Variants in LRRC56 observed in about 807,000 individuals in gnomAD.
The protein encoded by LRRC56 is leucine rich repeat containing 56, also known as leucine-rich repeat-containing protein 56.
LRRC56 carries 41 observed loss-of-function variants against 47.8 expected under a neutral mutation model. The ratio of observed to expected loss-of-function variants is 0.86; its 90% CI spans 0.67 to 1.11. LRRC56 has a LOEUF of 1.11. LRRC56 is among the 50% of genes most tolerant of loss of function. The pLI is 0.00. For synonymous variants in LRRC56, 387 were observed against 311.2 expected (o/e 1.24, Z -2.56); for missense variants, 759 against 704.2 (o/e 1.08, Z -0.88).
the LRRC56 span, among the ~76,000 whole-genome samples, chr11:522,366 G>C: frequency 4.6e-5 from 7 of 151,986 alleles, no homozygotes; most frequent in East Asian, 9.7e-4. Flanking sequence ...CCCGGGTTCA[G>C]GCCATTCTCC....
chr11:550,703 C>T (rs1342179866), intron 8 of LRRC56, among the ~76,000 whole-genome samples: 1 of 152,200 alleles, frequency 6.6e-6, no homozygotes, highest in Non-Finnish European at 1.5e-5. Context: ...CCTGTGCGTG[C>T]AGGCCCTGGC....
the LRRC56 span, among the ~76,000 whole-genome samples, chr11:516,543 A>C: frequency 6.6e-6 from 1 of 152,246 alleles, no homozygotes; most frequent in African/African-American, 2.4e-5. Flanking sequence ...TATAATACAA[A>C]TATAAGTGCA....
the LRRC56 span, among the ~76,000 whole-genome samples, chr11:516,771 ACAT>A: frequency 8.5e-5 from 13 of 152,338 alleles, no homozygotes; most frequent in Middle Eastern, 3.4e-3. Flanking sequence ...AGACAAAAAT[ACAT>A]CATCATTTCA....
the LRRC56 span, among the ~76,000 whole-genome samples, chr11:512,352 G>A: frequency 1.3e-5 from 2 of 152,196 alleles, no homozygotes; most frequent in Non-Finnish European, 2.9e-5. Context: ...CTCCGCCTCG[G>A]CCTCCTGAGT....
At chr11:532,294 A>C in the LRRC56 span, 2 of 477,820 alleles carry the variant, frequency 4.2e-6, no homozygotes, top group African/African-American at 3.8e-5. Flanking sequence ...ACAAGGGCCC[A>C]CAGAGGCCTG....
chr11:518,950 A>G, the LRRC56 span, among the ~76,000 whole-genome samples: 3 of 151,412 alleles, frequency 2.0e-5, no homozygotes, highest in East Asian at 2.0e-4. Flanking sequence ...CCGCCCCCAA[A>G]CCGAGGGGAA....
intron 9 of LRRC56, among the ~76,000 whole-genome samples, 165 bp downstream of exon 9, chr11:551,467 GTC>G: frequency 6.6e-6 from 1 of 152,320 alleles, no homozygotes; most frequent in Middle Eastern, 3.4e-3. Flanking sequence ...CCAGGACACT[GTC>G]TCTGAGCAGC....
At position 541,639 on chromosome 11, in the gene LRRC56, AC is replaced by A; in HGVS notation, c.265+19del. 4 of 1,482,396 alleles carry A rather than the reference AC, an allele frequency of 2.7e-6. No homozygotes were observed. Among genetic ancestry groups the A allele is most frequent in the South Asian group, 1.3e-5 (1 of 75,886 alleles). 91.8% of individuals were successfully genotyped at this position (1,482,396 alleles called of 1,614,324 possible). A position where few individuals can be genotyped will look rare whatever the true frequency, so the allele number is the denominator to read the frequency against. ...GGGGAACTTTGGTGAGCCTCTTCCCACCCCGCCATGGCCACGGCCACGGCCA... is the reference window on the plus strand; with the variant it reads ...GGGGAACTTTGGTGAGCCTCTTCCCACCCGCCATGGCCACGGCCACGGCCA... On this transcript the variant is annotated intron_variant, in intron 5 of 13. Coordinates refer to ENST00000270115, the MANE Select transcript of LRRC56 (RefSeq NM_198075.4). This position sits in a 1 kb window ranked among gnomAD's most constrained non-coding sequence, Gnocchi z 4.1.
chr11:543,996 C>T (rs1851940807), intron 5 of LRRC56, among the ~76,000 whole-genome samples: 1 of 152,240 alleles, frequency 6.6e-6, no homozygotes, highest in African/African-American at 2.4e-5. Context: ...GATCCACCCA[C>T]CTCAGCCTCC....
the LRRC56 span, chr11:532,526 G>C: frequency 7.0e-7 from 1 of 1,431,128 alleles, no homozygotes; most frequent in South Asian, 1.2e-5. Flanking sequence ...GCTTGTGCTG[G>C]GCGGGGCACA....
chr11:510,454 A>G, the LRRC56 span, among the ~76,000 whole-genome samples: 1 of 151,114 alleles, frequency 6.6e-6, no homozygotes, highest in Non-Finnish European at 1.5e-5. Flanking sequence ...ATACAAAAAA[A>G]TGGCTGGGCA....
the LRRC56 span, among the ~76,000 whole-genome samples, chr11:514,800 T>C: frequency 6.6e-6 from 1 of 152,212 alleles, no homozygotes; most frequent in Admixed American, 6.5e-5. Flanking sequence ...CTGGCTTTAT[T>C]GCGACATTTG....
At chr11:545,638 T>G (rs1317154985) in intron 6 of LRRC56, among the ~76,000 whole-genome samples, 2 of 152,122 alleles carry the variant, frequency 1.3e-5, no homozygotes, top group Non-Finnish European at 2.9e-5. Flanking sequence ...CACAGGAAGC[T>G]CCGTGCCCCA....
intron 1 of LRRC56, among the ~76,000 whole-genome samples, chr11:538,122 G>C (rs927506046): frequency 6.6e-6 from 1 of 152,178 alleles, no homozygotes; most frequent in East Asian, 1.9e-4. Context: ...AGAACACTAG[G>C]TGCAGTGTCT....
chr11:538,702 T>A lies in LRRC56; in HGVS notation c.-317T>A, dbSNP rs1851638545. ...GATAAAAGCCATGGCCAGAACGTTC[T>A]AAGTGGCTACATGTGCATCTGCCTG... On this transcript the variant is annotated 5_prime_UTR_variant, in exon 2 of 14. An upstream open reading frame in the 5' UTR loses its in-frame stop. Coordinates refer to ENST00000270115, the MANE Select transcript of LRRC56 (RefSeq NM_198075.4). 1 of 152,262 alleles carries A rather than the reference T, an allele frequency of 6.6e-6. No individual in the cohort carries two copies. The highest frequency in any genetic ancestry group is 1.5e-5 in the Non-Finnish European group (1 of 68,056). 9.4% of individuals were successfully genotyped at this position (152,262 alleles called of 1,614,324 possible). A position where few individuals can be genotyped will look rare whatever the true frequency, so the allele number is the denominator to read the frequency against.
the LRRC56 span, among the ~76,000 whole-genome samples, chr11:514,402 T>C: frequency 6.6e-6 from 1 of 151,744 alleles, no homozygotes; most frequent in Non-Finnish European, 1.5e-5. Flanking sequence ...TCCTCCCACC[T>C]CTGTCTCCCT....
At chr11:510,927 T>C in the LRRC56 span, among the ~76,000 whole-genome samples, 1 of 150,558 alleles carries the variant, frequency 6.6e-6, no homozygotes, top group African/African-American at 2.4e-5. Flanking sequence ...AAATAATATG[T>C]TTGTCTGAAA....
At chr11:513,082 C>T in the LRRC56 span, among the ~76,000 whole-genome samples, 1 of 152,250 alleles carries the variant, frequency 6.6e-6, no homozygotes, top group South Asian at 2.1e-4. Context: ...ACACTCTGCC[C>T]AGCACACCCC....
At chr11:535,628 G>A (rs1851453152), upstream of LRRC56, 2 of 151,688 alleles carry the variant, frequency 1.3e-5, no homozygotes, top group Admixed American at 6.6e-5. Flanking sequence ...CCTACCATTG[G>A]CTGCGCGCCA....
Sources: gnomAD v4.1 joint callset for allele counts (sites outside exome capture counted in the v4.1 genomes callset) on GRCh38, gnomAD v4.1.1 for gene constraint, Gnocchi (gnomAD v3.1) non-coding constraint, MANE v1.5 for transcripts, NCBI Gene and HGNC (gene_info 2026-07-23, HGNC 2026-07-21) for gene names.